The following ITGA8 variants were observed in gnomAD, a reference collection of about 807,000 sequenced individuals.
ITGA8 encodes integrin subunit alpha 8.
ITGA8 carries 91 observed loss-of-function variants against 142.3 expected under a neutral mutation model. That is an observed-to-expected ratio of 0.64 (90% CI 0.54 to 0.76). ITGA8 has a LOEUF of 0.76. ITGA8 is among the 30% of genes least tolerant of loss of function. The probability of loss-of-function intolerance (pLI) is 0.00; values close to 1 mark genes in which losing one functional copy is unlikely to be tolerated. For synonymous variants in ITGA8, 505 were observed against 485.2 expected, an observed-to-expected ratio of 1.04 and a Z score of -0.54; for missense variants, 1,406 against 1,327.7, an observed-to-expected ratio of 1.06 and a Z score of -0.92.
At chr10:15,520,140 G>A (rs935352610) in intron 28 of ITGA8, among the ~76,000 whole-genome samples, 3 of 152,072 alleles carry the variant, frequency 2.0e-5, no homozygotes, top group Admixed American at 1.3e-4. Flanking sequence ...AGGCCAGAGC[G>A]GTGGCTCATG....
In ITGA8 at chr10:15,659,900, T is replaced by A. The variant is rs1182034669; in HGVS notation, c.892-845A>T. Among the ~76,000 whole-genome samples, 6 of 152,196 alleles carry A rather than the reference T, an allele frequency of 3.9e-5. No homozygotes were observed. The East Asian group carries it at 1.2e-3, about 29-fold the overall frequency. On this transcript the variant is annotated intron_variant, in intron 9 of 29. Coordinates refer to ENST00000378076, the MANE Select transcript of ITGA8 (RefSeq NM_003638.3). ...GAGAACCCTCCTATCATAGATGCTC[T>A]GGTGAGAATATTGTCCTGCCCACAA...
chr10:15,562,224 C>A (rs371461577), intron 25 of ITGA8, among the ~76,000 whole-genome samples: 2 of 152,110 alleles, frequency 1.3e-5, no homozygotes, highest in East Asian at 1.9e-4. Context: ...AGAGCTATTG[C>A]GTAGGAAGGA....
intron 12 of ITGA8, among the ~76,000 whole-genome samples, chr10:15,644,436 ATATATATATATATATATATATATAT>A (rs1833931384): frequency 0.01 from 1 of 98 alleles, no homozygotes; most frequent in Non-Finnish European, 0.022. Flanking sequence ...TCAGGCTAAT[ATATATATATATATATATATATATAT>A]ATATATATAT....
At chr10:15,537,571 TG>T (rs1206465276) in intron 27 of ITGA8, among the ~76,000 whole-genome samples, 3 of 152,200 alleles carry the variant, frequency 2.0e-5, no homozygotes, top group Non-Finnish European at 2.9e-5. Flanking sequence ...GAAACGAAGA[TG>T]TAACTTTCAC....
At chr10:15,698,630 C>T (rs188835767) in intron 2 of ITGA8, among the ~76,000 whole-genome samples, 94 of 152,150 alleles carry the variant, frequency 6.2e-4, no homozygotes, top group African/African-American at 2.3e-3. Context: ...GGTATCACAT[C>T]GTGGTTTTGA....
chr10:15,530,514 C>A (rs894528115), intron 28 of ITGA8, among the ~76,000 whole-genome samples: 1 of 116,922 alleles, frequency 8.6e-6, no homozygotes, highest in African/African-American at 3.3e-5. Context: ...CCCCTGCACT[C>A]CAACCTGGGC....
At chr10:15,682,070 C>G (rs1834747588) in intron 4 of ITGA8, among the ~76,000 whole-genome samples, 1 of 152,130 alleles carries the variant, frequency 6.6e-6, no homozygotes, top group Non-Finnish European at 1.5e-5. Context: ...CTCTTCTCTC[C>G]TCCAATAATC....
intron 14 of ITGA8, among the ~76,000 whole-genome samples, chr10:15,615,655 A>AGTAGCATG (rs1833377683): frequency 6.6e-6 from 1 of 152,184 alleles, no homozygotes; most frequent in Non-Finnish European, 1.5e-5. Context: ...CTGGGATTAC[A>AGTAGCATG]GGCGTGTACC....
intron 14 of ITGA8, among the ~76,000 whole-genome samples, chr10:15,615,948 T>A (rs1458478536): frequency 6.6e-6 from 1 of 152,230 alleles, no homozygotes; most frequent in Non-Finnish European, 1.5e-5. Context: ...TTTTTATCCT[T>A]CTTTTACAGA....
intron 2 of ITGA8, among the ~76,000 whole-genome samples, chr10:15,710,367 C>A (rs1835341429): frequency 6.6e-6 from 1 of 152,180 alleles, no homozygotes; most frequent in African/African-American, 2.4e-5. Flanking sequence ...ATTTGATTGA[C>A]TACCCACAAA....
At position 15,572,361 on chromosome 10, in the gene ITGA8, A is replaced by G. The variant is rs1834202016; in HGVS notation, c.2487T>C (p.Asn829=). The change falls in exon 25 of 30, where the codon AAT becomes AAC. Residue 829 remains asparagine, a synonymous_variant. Coordinates refer to ENST00000378076, the MANE Select transcript of ITGA8 (RefSeq NM_003638.3). ...TGTCACTGATGGTACTTGGTCCAAT[A>G]TTGTGCAGCTGTAAACAAGTGACAT... ...PLVEHIYELH[N]IGPSTISDTI... is the part of the protein sequence containing the mutation. 3 of 1,614,018 alleles carry G rather than the reference A, an allele frequency of 1.9e-6. No individual in the cohort carries two copies. The highest frequency in any genetic ancestry group is 1.7e-5 in the Admixed American group (1 of 59,996).
At chr10:15,565,037 A>G (rs1834053713) in intron 25 of ITGA8, among the ~76,000 whole-genome samples, 1 of 152,222 alleles carries the variant, frequency 6.6e-6, no homozygotes, top group Admixed American at 6.5e-5. Context: ...CTTTCTTAGT[A>G]TTTGAACATG....
intron 12 of ITGA8, 110 bp from the exon 13 acceptor site, chr10:15,644,331 G>T: frequency 9.9e-7 from 1 of 1,011,498 alleles, no homozygotes; most frequent in Non-Finnish European, 1.4e-6. Context: ...GCAGTGGTGG[G>T]ATCATGGCTC....
chr10:15,526,833 A>C (rs1833183743), intron 28 of ITGA8, among the ~76,000 whole-genome samples: 1 of 152,206 alleles, frequency 6.6e-6, no homozygotes, highest in Non-Finnish European at 1.5e-5. Flanking sequence ...TAAGTAGGGA[A>C]CATTTAATCT....
At chr10:15,710,988 G>A (rs544302166) in intron 2 of ITGA8, among the ~76,000 whole-genome samples, 23 of 152,282 alleles carry the variant, frequency 1.5e-4, no homozygotes, top group Middle Eastern at 3.4e-3. Context: ...CAGAGCTGAA[G>A]AAGAAAACTG....
At chr10:15,568,116 G>A (rs1436782858) in intron 25 of ITGA8, among the ~76,000 whole-genome samples, 1 of 152,108 alleles carries the variant, frequency 6.6e-6, no homozygotes, top group Non-Finnish European at 1.5e-5. Context: ...TAGAAATGGG[G>A]TCTTGCTATG....
intron 13 of ITGA8, among the ~76,000 whole-genome samples, chr10:15,643,791 A>G (rs1291283390): frequency 6.6e-6 from 1 of 152,196 alleles, no homozygotes; most frequent in Non-Finnish European, 1.5e-5. Context: ...TACAATGCAG[A>G]TTGTTAAGCC....
chr10:15,539,828 C>T (rs549803937), intron 27 of ITGA8, among the ~76,000 whole-genome samples: 1 of 152,258 alleles, frequency 6.6e-6, no homozygotes, highest in African/African-American at 2.4e-5. Flanking sequence ...TGTGTCCCCA[C>T]CCAAATCTCA....
intron 26 of ITGA8, among the ~76,000 whole-genome samples, chr10:15,554,070 G>A (rs556791807): frequency 9.9e-5 from 15 of 152,106 alleles, no homozygotes; most frequent in South Asian, 4.2e-4. Context: ...TTAATATGGC[G>A]TTATCCTACT....
Sources: gnomAD v4.1 joint callset for allele counts (sites outside exome capture counted in the v4.1 genomes callset) on GRCh38, gnomAD v4.1.1 for gene constraint, MANE v1.5 for transcripts, NCBI Gene and HGNC (gene_info 2026-07-23, HGNC 2026-07-21) for gene names.